Variants in FER observed in about 807,000 individuals in gnomAD.
The protein encoded by FER is tyrosine-protein kinase Fer.
In FER, 63 loss-of-function variants were observed where a neutral mutation model predicts 111.0. That is an observed-to-expected ratio of 0.57 (90% confidence interval 0.46 to 0.70). The LOEUF (loss-of-function observed/expected upper bound fraction) is 0.70. FER is among the 30% of genes least tolerant of loss of function. The probability of loss-of-function intolerance (pLI) is 0.00; values close to 1 mark genes in which losing one functional copy is unlikely to be tolerated. For synonymous variants in FER, 327 were observed against 313.9 expected (o/e 1.04, Z -0.44); for missense variants, 914 against 954.0 (o/e 0.96, Z 0.55).
At chr5:108,884,134 T>C (rs1228907312) in intron 9 of FER, among the ~76,000 whole-genome samples, 1 of 152,080 alleles carries the variant, frequency 6.6e-6, no homozygotes, top group African/African-American at 2.4e-5. Context: ...TAATTGCATC[T>C]ACAAGAGTGG....
At chr5:109,065,745 C>T (rs1210164962) in intron 16 of FER, among the ~76,000 whole-genome samples, 1 of 152,126 alleles carries the variant, frequency 6.6e-6, no homozygotes, top group African/African-American at 2.4e-5. Context: ...ATTGTCATAA[C>T]AAGGTTTTGT....
intron 17 of FER, among the ~76,000 whole-genome samples, chr5:109,128,695 G>T (rs1164647196): frequency 1.3e-5 from 2 of 151,944 alleles, no homozygotes; most frequent in East Asian, 1.9e-4. Context: ...ATAGTATGTA[G>T]GTGTCAATGT....
Position 108,872,251 on chromosome 5 carries a change from A to G in FER, c.923+39A>G, listed in dbSNP as rs369686469. 53 of 1,531,878 alleles carry G rather than the reference A, an allele frequency of 3.5e-5. 1 individual carries two copies. The highest frequency in any genetic ancestry group is 4.4e-5 in the Non-Finnish European group (50 of 1,125,738). 94.9% of individuals were successfully genotyped at this position (1,531,878 alleles called of 1,614,324 possible). A position where few individuals can be genotyped will look rare whatever the true frequency, so the allele number is the denominator to read the frequency against. On this transcript the variant is annotated intron_variant, in intron 8 of 19. Coordinates refer to ENST00000281092, the MANE Select transcript of FER (RefSeq NM_005246.4). Reference sequence around the variant, plus strand: ...AAATATCAACAGTTTAAATACTAGTATTATTATTGCTTTATTGTTGTACTC... The same window carrying G: ...AAATATCAACAGTTTAAATACTAGTGTTATTATTGCTTTATTGTTGTACTC...
intron 3 of FER, among the ~76,000 whole-genome samples, chr5:108,803,291 C>G (rs973096424): frequency 1.3e-5 from 2 of 152,034 alleles, no homozygotes; most frequent in Non-Finnish European, 2.9e-5. Flanking sequence ...TGTCTGTTTA[C>G]TCTGTTGGTA....
At chr5:108,759,126 G>T (rs544668010) in intron 1 of FER, among the ~76,000 whole-genome samples, 1 of 152,282 alleles carries the variant, frequency 6.6e-6, no homozygotes, top group East Asian at 1.9e-4. Context: ...ATTAATTGTA[G>T]TAAGGCCAGT....
chr5:109,013,725 A>G (rs1766638170), intron 13 of FER, among the ~76,000 whole-genome samples: 1 of 151,888 alleles, frequency 6.6e-6, no homozygotes, highest in African/African-American at 2.4e-5. Context: ...CTATTTCTCC[A>G]CATCCTCTCC....
intron 13 of FER, among the ~76,000 whole-genome samples, chr5:108,973,025 G>A (rs560979856): frequency 4.1e-4 from 62 of 151,816 alleles, no homozygotes; most frequent in Non-Finnish European, 7.7e-4. Flanking sequence ...TTTATACTAC[G>A]GCAAACTATA....
At chr5:108,852,109 T>C (rs965540825) in intron 5 of FER, among the ~76,000 whole-genome samples, 5 of 152,214 alleles carry the variant, frequency 3.3e-5, no homozygotes, top group African/African-American at 9.6e-5. Context: ...TTATAAGCCG[T>C]CATTTACCCT....
chr5:108,956,340 A>G (rs1758426763), intron 12 of FER, among the ~76,000 whole-genome samples: 1 of 151,812 alleles, frequency 6.6e-6, no homozygotes, highest in African/African-American at 2.4e-5. Flanking sequence ...CACAACTTGT[A>G]TGAATGTTTC....
rs896578881 is a variant in FER, at chr5:108,749,182, C to A, written c.-206+1182C>A. On this transcript the variant is annotated intron_variant, in intron 1 of 19. Coordinates refer to ENST00000281092, the MANE Select transcript of FER (RefSeq NM_005246.4). ...TCCTCCGCCCTCAGCCAGCGCCCCC[C>A]CCAACCCCCGTCCCTGGCTGCAGGG... is the stretch of plus-strand genomic sequence containing the variant. 1.1e-4 allele frequency among the ~76,000 whole-genome samples: 17 copies of A among 152,248 alleles called. No individual in the cohort carries two copies. The South Asian group carries it at 1.9e-3, about 17-fold the overall frequency.
At chr5:109,126,240 A>C (rs947951465) in intron 17 of FER, among the ~76,000 whole-genome samples, 1 of 152,172 alleles carries the variant, frequency 6.6e-6, no homozygotes, top group Non-Finnish European at 1.5e-5. Flanking sequence ...CTGTTCATCT[A>C]GTCCCTTGGC....
chr5:109,109,948 G>A (rs981625922), intron 17 of FER, among the ~76,000 whole-genome samples: 4 of 152,014 alleles, frequency 2.6e-5, no homozygotes, highest in African/African-American at 9.7e-5. Flanking sequence ...TTTAAACATA[G>A]GGCTATACTG....
At chr5:108,870,641 G>C (rs199696989) in intron 6 of FER, among the ~76,000 whole-genome samples, 16 of 92,712 alleles carry the variant, frequency 1.7e-4, no homozygotes, top group African/African-American at 7.0e-4. Context: ...TATAAGTAAT[G>C]ATGGTGGAAA....
chr5:109,102,743 TC>T (rs1748407755), intron 17 of FER, among the ~76,000 whole-genome samples: 1 of 152,158 alleles, frequency 6.6e-6, no homozygotes, highest in Non-Finnish European at 1.5e-5. Context: ...CAACTAGTGG[TC>T]CTTTGTTCCT....
chr5:109,058,323 A>G (rs184734586), intron 16 of FER, among the ~76,000 whole-genome samples: 2 of 152,292 alleles, frequency 1.3e-5, no homozygotes, highest in Admixed American at 1.3e-4. Context: ...GCTGGCACTC[A>G]CAACTTCTCT....
At chr5:109,118,474 TG>T (rs1750556352) in intron 17 of FER, among the ~76,000 whole-genome samples, 1 of 152,100 alleles carries the variant, frequency 6.6e-6, no homozygotes, top group South Asian at 2.1e-4. Flanking sequence ...TCTCTTTTTT[TG>T]TTGTGTCTCT....
intron 17 of FER, among the ~76,000 whole-genome samples, chr5:109,123,694 T>C (rs1011455868): frequency 6.6e-6 from 1 of 152,226 alleles, no homozygotes; most frequent in African/African-American, 2.4e-5. Flanking sequence ...TTTAATTCCA[T>C]TCTCCTGCTT....
intron 13 of FER, among the ~76,000 whole-genome samples, chr5:108,982,272 C>T (rs534750690): frequency 3.3e-5 from 5 of 151,994 alleles, no homozygotes; most frequent in Admixed American, 2.0e-4. Context: ...TATCTGGAGC[C>T]TGTAAGTTAT....
chr5:109,016,424 A>T (rs1001464425), intron 13 of FER, among the ~76,000 whole-genome samples: 1 of 152,052 alleles, frequency 6.6e-6, no homozygotes, highest in African/African-American at 2.4e-5. Context: ...ATGAATAAAG[A>T]TAAGAGGATT....
Sources: gnomAD v4.1 joint callset for allele counts (sites outside exome capture counted in the v4.1 genomes callset) on GRCh38, gnomAD v4.1.1 for gene constraint, MANE v1.5 for transcripts, NCBI Gene and HGNC (gene_info 2026-07-23, HGNC 2026-07-21) for gene names.